Variants in LGALS3 observed in about 807,000 individuals in gnomAD.
The protein encoded by LGALS3 is galectin-3.
Under a neutral mutation model 20.7 loss-of-function variants are expected in LGALS3, and 18 were observed. The ratio of observed to expected loss-of-function variants is 0.87; its 90% CI spans 0.60 to 1.29. LGALS3 has a LOEUF of 1.29. Ranked by LOEUF, LGALS3 falls within the 50% of genes most tolerant of loss-of-function variation. The pLI, the probability that LGALS3 is intolerant of heterozygous loss-of-function variation, is 0.00. For missense variants in LGALS3, 315 were observed against 314.7 expected (o/e 1.00, Z -0.01); for synonymous variants, 112 against 119.6 (o/e 0.94, Z 0.42).
chr14:55,139,102 T>C (rs1485163098), intron 3 of LGALS3, among the ~76,000 whole-genome samples: 1 of 151,984 alleles, frequency 6.6e-6, no homozygotes, highest in Non-Finnish European at 1.5e-5. Flanking sequence ...CAGTTTAGAG[T>C]AGAAAGACTT....
chr14:55,135,581 T>C (rs968561650), intron 1 of LGALS3, among the ~76,000 whole-genome samples: 55 of 147,968 alleles, frequency 3.7e-4, no homozygotes, highest in Non-Finnish European at 6.7e-4. Flanking sequence ...TTTTTTTTTT[T>C]TTTGAGATGA....
intron 2 of LGALS3, chr14:55,137,754 T>G: frequency 7.5e-7 from 1 of 1,330,152 alleles, no homozygotes; most frequent in Non-Finnish European, 9.6e-7. Flanking sequence ...AAAAAGTATG[T>G]GCTATAAGTA....
In LGALS3 at chr14:55,129,849, C is replaced by A. The variant is rs984395263; in HGVS notation, c.-5+549C>A. Among the ~76,000 whole-genome samples, 6 of 152,236 alleles carry A rather than the reference C, an allele frequency of 3.9e-5. No homozygotes were observed. In the South Asian group the frequency reaches 1.2e-3, roughly 32 times the overall value. ...TCCCAGGACTGCATAGGGCGCCTCC[C>A]GGGACCCACAGCTTGGCTGGCCCGG... On this transcript the variant is annotated intron_variant, in intron 1 of 5. Transcript: ENST00000254301. This position sits in a 1 kb window ranked among gnomAD's most constrained non-coding sequence, Gnocchi z 5.3.
intron 2 of LGALS3, 130 bp downstream of exon 2, chr14:55,137,521 A>G (rs955242051): frequency 4.4e-6 from 7 of 1,591,838 alleles, no homozygotes; most frequent in African/African-American, 1.4e-5. Flanking sequence ...CATTTGTCCA[A>G]TGAGGGCTTG....
At chr14:55,137,450 G>C (rs1881440737) in intron 2 of LGALS3, 59 bp downstream of exon 2, 1 of 1,613,932 alleles carries the variant, frequency 6.2e-7, no homozygotes, top group African/African-American at 1.3e-5. Flanking sequence ...GAGGGTTGGG[G>C]GTTTTGTTTT....
chr14:55,136,498 T>C (rs1215025736), intron 1 of LGALS3, among the ~76,000 whole-genome samples: 1 of 152,178 alleles, frequency 6.6e-6, no homozygotes, highest in Non-Finnish European at 1.5e-5. Flanking sequence ...TGCTGCACTG[T>C]AGGCCCTTCG....
intron 1 of LGALS3, among the ~76,000 whole-genome samples, chr14:55,131,264 T>C (rs147372402): frequency 1.3e-5 from 2 of 152,326 alleles, no homozygotes; most frequent in Non-Finnish European, 2.9e-5. Context: ...CCAAGTAGAA[T>C]AGGTGTCTCG....
In LGALS3 at chr14:55,142,716, G is replaced by A. The variant is rs965410154; in HGVS notation, c.564G>A (p.Ser188=). ...DNNWGREERQ[S]VFPFESGKPF... ...ACTGGGGAAGGGAAGAAAGACAGTC[G>A]GTTTTCCCATTTGAAAGTGGGAAAC... The change falls in exon 5 of 6, where the codon TCG becomes TCA. Residue 188 remains serine (S), a synonymous_variant. Transcript: ENST00000254301. 1.2e-5 allele frequency: 19 copies of A among 1,613,342 alleles called. No individual in the cohort carries two copies. Among genetic ancestry groups the A allele is most frequent in the East Asian group, 8.9e-5 (4 of 44,864 alleles).
chr14:55,137,251 G>T, intron 1 of LGALS3, 119 bp from the exon 2 acceptor site: 1 of 968,604 alleles, frequency 1.0e-6, no homozygotes, highest in South Asian at 1.3e-5. Context: ...CCACACTACT[G>T]ACTTAGGCAT....
chr14:55,138,278 C>A lies in LGALS3; in HGVS notation c.252C>A (p.Ser84Arg). ...CTGGAGTCTACCCAGGGCCACCCAG[C>A]GGCCCTGGGGCCTACCCATCTTCTG... Reference protein sequence around the residue: ...PAPGVYPGPPSGPGAYPSSGQ... With the variant: ...PAPGVYPGPPRGPGAYPSSGQ... Residue 84 changes from serine to arginine, a missense_variant, in exon 3 of 6, where the codon AGC (serine) becomes AGA (arginine). Physicochemically the swap from Ser to Arg is moderately radical, Grantham distance 110. Transcript: ENST00000254301. 2 of 1,612,556 alleles carry A rather than the reference C, an allele frequency of 1.2e-6. No homozygotes were observed. The highest frequency in any genetic ancestry group is 1.1e-5 in the South Asian group (1 of 91,074).
intron 5 of LGALS3, chr14:55,143,411 T>C (rs1881698860): frequency 1.6e-5 from 6 of 375,242 alleles, no homozygotes; most frequent in Non-Finnish European, 3.1e-5. Flanking sequence ...ATCAGAATAT[T>C]GTTACTTAAT....
chr14:55,134,026 A>G (rs895661963), intron 1 of LGALS3, among the ~76,000 whole-genome samples: 3 of 152,208 alleles, frequency 2.0e-5, no homozygotes, highest in African/African-American at 7.2e-5. Flanking sequence ...TCAACTAGCC[A>G]TGATTTTGCT....
intron 2 of LGALS3, 196 bp downstream of exon 2, chr14:55,137,587 G>A (rs535889980): frequency 2.2e-4 from 326 of 1,485,324 alleles, no homozygotes; most frequent in Non-Finnish European, 2.7e-4. Context: ...CAGGCAGAGC[G>A]AGGCCTGGGA....
At chr14:55,137,687 G>C (rs1017761648) in intron 2 of LGALS3, 6 of 1,404,788 alleles carry the variant, frequency 4.3e-6, no homozygotes, top group African/African-American at 1.4e-5. Context: ...TGAGTAGCGG[G>C]AAGTGCGGTA....
intron 5 of LGALS3, among the ~76,000 whole-genome samples, chr14:55,144,723 A>C (rs10137409): frequency 0.39 from 59,872 of 151,770 alleles, 12,148 homozygotes; most frequent in African/African-American, 0.41. Flanking sequence ...CGCCACCACA[A>C]TCAGCTAATT....
chr14:55,133,477 C>T (rs368669350), intron 1 of LGALS3, among the ~76,000 whole-genome samples: 2 of 152,140 alleles, frequency 1.3e-5, no homozygotes, highest in East Asian at 3.9e-4. Context: ...GTAGCATCTA[C>T]AGTGTAGATA....
chr14:55,138,800 A>T (rs1881516057), intron 3 of LGALS3, among the ~76,000 whole-genome samples: 1 of 152,204 alleles, frequency 6.6e-6, no homozygotes, highest in Non-Finnish European at 1.5e-5. Context: ...ATGTAGAGGA[A>T]CCAGGGTAAT....
rs944136777 is a variant in LGALS3, at chr14:55,142,483, G to C, written c.432-101G>C. The C allele has an allele frequency of 7.8e-5, 72 of 917,450 alleles. No individual in the cohort carries two copies. In the African/African-American group the frequency reaches 1.2e-3, roughly 15 times the overall value. 56.8% of individuals were successfully genotyped at this position (917,450 alleles called of 1,614,324 possible). On this transcript the variant is annotated intron_variant, in intron 4 of 5. Coordinates refer to ENST00000254301, the MANE Select transcript of LGALS3 (RefSeq NM_002306.4). ...CATTCAGAAAAATTTCCTAGGTACT[G>C]TATTATGAAATTATTTGCTTTTTAG... is the stretch of plus-strand genomic sequence containing the variant.
intron 1 of LGALS3, among the ~76,000 whole-genome samples, chr14:55,132,019 G>C (rs1386934761): frequency 6.6e-6 from 1 of 152,178 alleles, no homozygotes; most frequent in African/African-American, 2.4e-5. Context: ...CTTCTGTGAC[G>C]GTTGCGCACA....
Sources: allele counts gnomAD v4.1 joint callset (sites outside exome capture counted in the v4.1 genomes callset), GRCh38; gene constraint gnomAD v4.1.1; non-coding constraint Gnocchi (gnomAD v3.1); transcripts MANE v1.5; gene names NCBI Gene and HGNC (gene_info 2026-07-23, HGNC 2026-07-21).